Variants in FAT4 observed in about 807,000 individuals in gnomAD.
FAT4 encodes FAT atypical cadherin 4.
Under a neutral mutation model 303.9 loss-of-function variants are expected in FAT4, and 84 were observed. That is an observed-to-expected ratio of 0.28 (90% CI 0.23 to 0.33). The LOEUF is 0.33. Among genes scored for constraint, FAT4 ranks in the 10% least tolerant of loss-of-function variants. The pLI, the probability that FAT4 is intolerant of heterozygous loss-of-function variation, is 1.00. For synonymous variants in FAT4, 2,307 were observed against 2,298.8 expected (o/e 1.00, Z -0.10); for missense variants, 6,005 against 6,146.8 (o/e 0.98, Z 0.77).
In FAT4 at chr4:125,468,492, G is replaced by T. The variant is rs1726745029; in HGVS notation, c.11906-20G>T. ...TTTTCATGAAATTTTATGCCAGTTTGTCAATTTTCCCTCCAACAGGTGTCT... is the reference window on the plus strand; with the variant it reads ...TTTTCATGAAATTTTATGCCAGTTTTTCAATTTTCCCTCCAACAGGTGTCT... On this transcript the variant is annotated intron_variant, in intron 11 of 17. Coordinates refer to ENST00000394329, the MANE Select transcript of FAT4 (RefSeq NM_001291303.3). 7.1e-7 allele frequency: 1 copy of T among 1,406,892 alleles called. No homozygotes were observed. The highest frequency in any genetic ancestry group is 1.4e-5 in the African/African-American group (1 of 69,434). 87.2% of individuals were successfully genotyped at this position (1,406,892 alleles called of 1,614,324 possible). A position where few individuals can be genotyped will look rare whatever the true frequency, so the allele number is the denominator to read the frequency against.
At chr4:125,377,014 C>G (rs914202145) in intron 2 of FAT4, among the ~76,000 whole-genome samples, 1 of 152,114 alleles carries the variant, frequency 6.6e-6, no homozygotes, top group Non-Finnish European at 1.5e-5. Context: ...TAAATTTTCT[C>G]TTATCATAAG....
chr4:125,340,074 GAC>G (rs1314689688), intron 2 of FAT4, among the ~76,000 whole-genome samples: 3 of 151,944 alleles, frequency 2.0e-5, no homozygotes, highest in African/African-American at 7.2e-5. Context: ...TAAAATCACT[GAC>G]AGAAAATACA....
chr4:125,409,261 T>TC (rs1389907522), intron 5 of FAT4, among the ~76,000 whole-genome samples: 3 of 151,572 alleles, frequency 2.0e-5, no homozygotes, highest in African/African-American at 7.3e-5. Context: ...GCTAATAATT[T>TC]TTTTTTTTTT....
intron 8 of FAT4, among the ~76,000 whole-genome samples, chr4:125,437,839 C>T (rs916727328): frequency 8.5e-5 from 13 of 152,170 alleles, no homozygotes; most frequent in African/African-American, 2.9e-4. Context: ...ATTAACATTT[C>T]TGGACCCGGT....
rs548106447 is a variant in FAT4 at position 125,492,081 on chromosome 4, C to T, written c.*313C>T. 113 of 274,716 alleles carry T rather than the reference C, an allele frequency of 4.1e-4. 1 individual carries two copies. The highest frequency in any genetic ancestry group is 6.7e-4 in the Non-Finnish European group (98 of 146,176). The allele number at this position is 274,716 out of a possible 1,614,324, so 17.0% of individuals were successfully genotyped here. ...GATTTTTAAAAATTGATACCTTTAC[C>T]ATTGCAGAAAAGAACTTGTGCTTTC... is the stretch of plus-strand genomic sequence containing the variant. On this transcript the variant is annotated 3_prime_UTR_variant, in exon 18 of 18. Coordinates refer to ENST00000394329, the MANE Select transcript of FAT4 (RefSeq NM_001291303.3).
chr4:125,440,212 A>G (rs929174527), intron 8 of FAT4, among the ~76,000 whole-genome samples: 1 of 152,026 alleles, frequency 6.6e-6, no homozygotes, highest in Non-Finnish European at 1.5e-5. Flanking sequence ...GCTTTTACTC[A>G]TTCTATTTTT....
At chr4:125,475,524 A>AT (rs1726997207) in intron 12 of FAT4, among the ~76,000 whole-genome samples, 1 of 152,042 alleles carries the variant, frequency 6.6e-6, no homozygotes, top group South Asian at 2.1e-4. Flanking sequence ...ACTATTGGGG[A>AT]TTTTTTACTG....
chr4:125,420,042 C>T (rs1735224869), intron 7 of FAT4, among the ~76,000 whole-genome samples: 1 of 152,158 alleles, frequency 6.6e-6, no homozygotes, highest in South Asian at 2.1e-4. Flanking sequence ...GGGAGAAGGG[C>T]ATCCATGTCA....
Position 125,316,628 on chromosome 4 carries a change from A to T in FAT4, c.217A>T (p.Arg73Trp). The T allele has an allele frequency of 6.2e-7, 1 of 1,613,884 alleles. No homozygotes were observed. The highest frequency in any genetic ancestry group is 1.1e-5 in the South Asian group (1 of 91,080). Residue 73 changes from arginine (R) to tryptophan (W), a missense_variant, in exon 2 of 18, where the codon AGG becomes TGG. Coordinates refer to ENST00000394329, the MANE Select transcript of FAT4 (RefSeq NM_001291303.3). This position sits in a 1 kb window ranked among gnomAD's most constrained non-coding sequence, Gnocchi z 5.7. ...CCAGACGCGCCCCGGCTTCACCTAC[A>T]GGCTCAGCGAAAGCCACGCCCTGTT... is the stretch of plus-strand genomic sequence containing the variant. ...TIQTRPGFTY[R>W]LSESHALFAI...
chr4:125,330,266 T>C (rs1007993412), intron 2 of FAT4, among the ~76,000 whole-genome samples: 2 of 152,168 alleles, frequency 1.3e-5, no homozygotes, highest in African/African-American at 4.8e-5. Context: ...CTTCCTTTAA[T>C]AACTTATTAT....
At chr4:125,378,241 T>C (rs1299418485) in intron 2 of FAT4, among the ~76,000 whole-genome samples, 1 of 152,098 alleles carries the variant, frequency 6.6e-6, no homozygotes, top group Non-Finnish European at 1.5e-5. Context: ...AAGCCCAATA[T>C]AAAGAATAGC....
chr4:125,463,516 A>G (rs2126071432), intron 10 of FAT4, 47 bp from the exon 11 acceptor site: 1 of 1,151,676 alleles, frequency 8.7e-7, no homozygotes. Context: ...CGGTGTTAAT[A>G]TATTTATGTA....
Position 125,372,150 on chromosome 4 carries a change from C to A in FAT4, c.5176-26634C>A, listed in dbSNP as rs576439187. ...TTGCATGTGCTTAGGAGTTCAAAAC[C>A]ATCCTGAGCAATGTAGTGAGACCTC... On this transcript the variant is annotated intron_variant, in intron 2 of 17. Coordinates refer to ENST00000394329, the MANE Select transcript of FAT4 (RefSeq NM_001291303.3). Among the ~76,000 whole-genome samples, 8 of 151,660 alleles carry A rather than the reference C, an allele frequency of 5.3e-5. No homozygotes were observed. In the South Asian group the frequency reaches 1.7e-3, roughly 32 times the overall value.
In FAT4 at chr4:125,317,383, G is replaced by A; in HGVS notation, c.972G>A (p.Gln324=). The A allele has an allele frequency of 2.5e-6, 4 of 1,613,504 alleles. No homozygotes were observed. Among genetic ancestry groups the A allele is most frequent in the Non-Finnish European group, 3.4e-6 (4 of 1,180,044 alleles). Residue 324 remains glutamine, a synonymous_variant, in exon 2 of 18, where the codon CAG becomes CAA. Coordinates refer to ENST00000394329, the MANE Select transcript of FAT4 (RefSeq NM_001291303.3). The surrounding 1 kb of genome is among the most constrained non-coding windows in gnomAD (Gnocchi z 7.0). Reference sequence around the variant, plus strand: ...GGCGCCAATACTCGCTTACGGTGCAGGCGATGGACAGAGGCGTGCCTTCCC... The same window carrying A: ...GGCGCCAATACTCGCTTACGGTGCAAGCGATGGACAGAGGCGTGCCTTCCC... The part of the protein sequence containing the change: ...EARRQYSLTV[Q]AMDRGVPSLT...
chr4:125,456,750 T>C (rs1448038949), intron 10 of FAT4, among the ~76,000 whole-genome samples: 5 of 152,170 alleles, frequency 3.3e-5, no homozygotes, highest in Admixed American at 3.3e-4. Flanking sequence ...AGAGCTAATA[T>C]ACCAAAACAT....
intron 2 of FAT4, among the ~76,000 whole-genome samples, chr4:125,363,598 C>T (rs1227982899): frequency 1.3e-5 from 2 of 151,780 alleles, no homozygotes; most frequent in African/African-American, 2.4e-5. Context: ...TGGGTTCAAG[C>T]GATTCCCCTG....
chr4:125,490,043 C>A lies in FAT4; in HGVS notation c.13227C>A (p.Asn4409Lys). 6.2e-7 allele frequency: 1 copy of A among 1,613,994 alleles called. No homozygotes were observed. Among genetic ancestry groups the A allele is most frequent in the Non-Finnish European group, 8.5e-7 (1 of 1,179,996 alleles). ...GTGGCCCGAACATTTGTGCCAGCAA[C>A]CCCTGCTGGGGTGATTTGCTGTGCA... ...GCRGPNICAS[N>K]PCWGDLLCIN... is the part of the protein sequence containing the mutation. Residue 4409 changes from asparagine (N) to lysine (K), a missense_variant, in exon 18 of 18, where the codon AAC becomes AAA. Asn to Lys is a moderately conservative substitution (Grantham distance 94). Coordinates refer to ENST00000394329, the MANE Select transcript of FAT4 (RefSeq NM_001291303.3).
intron 7 of FAT4, among the ~76,000 whole-genome samples, chr4:125,426,355 G>A (rs989296960): frequency 2.6e-5 from 4 of 151,986 alleles, no homozygotes; most frequent in Admixed American, 2.6e-4. Flanking sequence ...AATCATGCTA[G>A]AGTTGCCTTC....
chr4:125,321,607 T>G, intron 2 of FAT4, 21 bp downstream of exon 2: 2 of 1,549,578 alleles, frequency 1.3e-6, no homozygotes, highest in Non-Finnish European at 1.7e-6. Context: ...TGTAGTCATT[T>G]ATTATTTGTT....
Sources: allele counts gnomAD v4.1 joint callset (sites outside exome capture counted in the v4.1 genomes callset), GRCh38; gene constraint gnomAD v4.1.1; non-coding constraint Gnocchi (gnomAD v3.1); transcripts MANE v1.5; gene names NCBI Gene and HGNC (gene_info 2026-07-23, HGNC 2026-07-21).